The following CA3 variants were observed in gnomAD, a reference collection of about 807,000 sequenced individuals.
The protein encoded by CA3 is carbonic anhydrase 3.
CA3 carries 30 observed loss-of-function variants against 35.7 expected under a neutral mutation model. That is an observed-to-expected ratio of 0.84 (90% CI 0.63 to 1.14). The LOEUF (loss-of-function observed/expected upper bound fraction) is 1.14. Among genes scored for constraint, CA3 ranks in the 50% most tolerant of loss-of-function variants. The pLI is 0.00. For missense variants in CA3, 295 were observed against 328.5 expected (o/e 0.90, Z 0.79); for synonymous variants, 131 against 130.8 (o/e 1.00, Z -0.01).
At chr8:85,444,546 C>T (rs1219932249) in intron 4 of CA3, among the ~76,000 whole-genome samples, 1 of 152,188 alleles carries the variant, frequency 6.6e-6, no homozygotes, top group Non-Finnish European at 1.5e-5. Flanking sequence ...GGCTGGACAT[C>T]CCCTCGGCTT....
At chr8:85,445,503 A>AACACACAC (rs766933947) in intron 5 of CA3, among the ~76,000 whole-genome samples, 82 of 123,330 alleles carry the variant, frequency 6.6e-4, no homozygotes, top group South Asian at 3.5e-3. Flanking sequence ...ATCCTCGCCC[A>AACACACAC]ACACACACAC....
At chr8:85,447,327 T>C (rs1180534870) in intron 6 of CA3, among the ~76,000 whole-genome samples, 1 of 152,184 alleles carries the variant, frequency 6.6e-6, no homozygotes, top group South Asian at 2.1e-4. Context: ...CATAAACTTA[T>C]ATAATAAAGG....
At chr8:85,446,991 G>T (rs1811302005) in intron 6 of CA3, among the ~76,000 whole-genome samples, 1 of 152,174 alleles carries the variant, frequency 6.6e-6, no homozygotes, top group African/African-American at 2.4e-5. Context: ...ACAACCTAGA[G>T]CATGCATGTA....
At chr8:85,438,989 A>C (rs756820171) in intron 1 of CA3, 46 bp downstream of exon 1, 1 of 1,546,400 alleles carries the variant, frequency 6.5e-7, no homozygotes, top group Non-Finnish European at 8.8e-7. Context: ...ATGCCAGTCC[A>C]GGAGAGCCCT....
chr8:85,444,636 G>A (rs552017906), intron 4 of CA3, among the ~76,000 whole-genome samples: 1 of 152,330 alleles, frequency 6.6e-6, no homozygotes, highest in Admixed American at 6.5e-5. Context: ...TTGCTTTAAA[G>A]AGGACTTAGT....
intron 4 of CA3, among the ~76,000 whole-genome samples, chr8:85,444,454 AT>A (rs1811252887): frequency 6.6e-6 from 1 of 151,932 alleles, no homozygotes; most frequent in Non-Finnish European, 1.5e-5. Flanking sequence ...GCATATATTT[AT>A]TTTCCTTTCT....
chr8:85,440,043 CT>C, intron 2 of CA3, 134 bp downstream of exon 2: 1 of 656,622 alleles, frequency 1.5e-6, no homozygotes, highest in South Asian at 1.9e-5. Flanking sequence ...TGACATTTGA[CT>C]TTGCTTTAGT....
intron 4 of CA3, 29 bp downstream of exon 4, chr8:85,444,155 T>C: frequency 2.1e-6 from 3 of 1,404,464 alleles, no homozygotes; most frequent in Non-Finnish European, 3.0e-6. Context: ...ATATATTTTC[T>C]TCCAAAATGT....
intron 4 of CA3, among the ~76,000 whole-genome samples, chr8:85,444,754 C>T (rs943178373): frequency 5.9e-5 from 9 of 152,126 alleles, no homozygotes; most frequent in Non-Finnish European, 1.0e-4. Context: ...GTTCTTAATT[C>T]ATTGGGTCAT....
intron 2 of CA3, among the ~76,000 whole-genome samples, chr8:85,441,170 C>A (rs941163275): frequency 2.6e-5 from 4 of 152,272 alleles, no homozygotes; most frequent in African/African-American, 2.4e-5. Context: ...GTGTGGGCAA[C>A]CTCTTCTAAA....
chr8:85,446,341 T>C, intron 6 of CA3, 44 bp downstream of exon 6: 6 of 1,585,094 alleles, frequency 3.8e-6, no homozygotes, highest in Non-Finnish European at 4.3e-6. Context: ...GCTGTCTGCC[T>C]ATGTAAGATA....
At chr8:85,442,852 C>T (rs538135596) in intron 3 of CA3, among the ~76,000 whole-genome samples, 89 of 152,242 alleles carry the variant, frequency 5.8e-4, no homozygotes, top group Non-Finnish European at 1.1e-3. Context: ...CTCTTAGCTA[C>T]CTTATGAGAC....
chr8:85,440,308 A>C (rs1811189775), intron 2 of CA3, among the ~76,000 whole-genome samples: 1 of 152,202 alleles, frequency 6.6e-6, no homozygotes, highest in South Asian at 2.1e-4. Flanking sequence ...TCCATTCTAC[A>C]AAGCCAGATA....
chr8:85,445,194 T>A lies in CA3; in HGVS notation c.483T>A (p.Asp161Glu). 1 of 1,608,000 alleles carries A rather than the reference T, an allele frequency of 6.2e-7. No individual in the cohort carries two copies. The highest frequency in any genetic ancestry group is 8.5e-7 in the Non-Finnish European group (1 of 1,175,968). The change falls in exon 5 of 7, where the codon GAT (aspartate) becomes GAA (glutamate). Residue 161 changes from aspartate to glutamate, a missense_variant. Coordinates refer to ENST00000285381, the MANE Select transcript of CA3 (RefSeq NM_005181.4). Reference sequence around the variant, plus strand: ...ATGGCGAGTTCCAGATTTTCCTTGATGCATTGGACAAGATTAAGACAAAGG... The same window carrying A: ...ATGGCGAGTTCCAGATTTTCCTTGAAGCATTGGACAAGATTAAGACAAAGG... The part of the protein sequence containing the change: ...HENGEFQIFL[D>E]ALDKIKTKGK...
At chr8:85,438,993 G>A in intron 1 of CA3, 50 bp downstream of exon 1, 2 of 1,544,712 alleles carry the variant, frequency 1.3e-6, no homozygotes, top group Non-Finnish European at 1.8e-6. Flanking sequence ...CAGTCCAGGA[G>A]AGCCCTGCCA....
In CA3 at chr8:85,439,815, A is replaced by G. The variant is rs758163012; in HGVS notation, c.138A>G (p.Pro46=). ...KDIRHDPSLQ[P]WSVSYDGGSA... ...TCAGGCATGACCCTTCTCTGCAGCC[A>G]TGGTCTGTGTCTTATGATGGTGGCT... Residue 46 remains proline, a synonymous_variant, in exon 2 of 7, where the codon CCA becomes CCG. Transcript: ENST00000285381. 9 of 1,613,952 alleles carry G rather than the reference A, an allele frequency of 5.6e-6. No homozygotes were observed. Among genetic ancestry groups the G allele is most frequent in the Admixed American group, 1.7e-5 (1 of 60,008 alleles).
chr8:85,439,796 A>G lies in CA3; in HGVS notation c.119A>G (p.His40Arg). 3 of 1,614,100 alleles carry G rather than the reference A, an allele frequency of 1.9e-6. No homozygotes were observed. The highest frequency in any genetic ancestry group is 2.5e-6 in the Non-Finnish European group (3 of 1,179,964). ...GAGCTGCATACTAAAGACATCAGGC[A>G]TGACCCTTCTCTGCAGCCATGGTCT... ...PVELHTKDIR[H>R]DPSLQPWSVS... Residue 40 changes from histidine to arginine, a missense_variant, in exon 2 of 7, where the codon CAT becomes CGT. His to Arg is a conservative substitution (Grantham distance 29). Transcript: ENST00000285381.
intron 2 of CA3, among the ~76,000 whole-genome samples, chr8:85,440,366 G>A (rs1811190965): frequency 6.6e-6 from 1 of 152,200 alleles, no homozygotes; most frequent in African/African-American, 2.4e-5. Context: ...GTGCCTGGGA[G>A]GTGACCAATC....
intron 3 of CA3, chr8:85,442,407 T>G: frequency 2.0e-6 from 1 of 489,604 alleles, no homozygotes; most frequent in Non-Finnish European, 3.7e-6. Context: ...ACATGAAGAT[T>G]TCCAAGGTTA....
Sources: allele counts gnomAD v4.1 joint callset (sites outside exome capture counted in the v4.1 genomes callset), GRCh38; gene constraint gnomAD v4.1.1; transcripts MANE v1.5; gene names NCBI Gene and HGNC (gene_info 2026-07-23, HGNC 2026-07-21).